The following XYLT1 variants were observed in gnomAD, a reference collection of about 807,000 sequenced individuals.
XYLT1 encodes xylosyltransferase 1.
A neutral mutation model predicts 91.3 loss-of-function variants in XYLT1; 36 were observed. That is an observed-to-expected ratio of 0.39 (90% confidence interval 0.30 to 0.52). The LOEUF (loss-of-function observed/expected upper bound fraction) is 0.52. Ranked by LOEUF, XYLT1 falls within the 20% of genes least tolerant of loss-of-function variation. The pLI is 0.68. For missense variants in XYLT1, 1,242 were observed against 1,284.5 expected (o/e 0.97, Z 0.51); for synonymous variants, 588 against 532.0 (o/e 1.11, Z -1.45).
At chr16:17,233,157 T>C (rs1366230465) in intron 3 of XYLT1, among the ~76,000 whole-genome samples, 1 of 152,078 alleles carries the variant, frequency 6.6e-6, no homozygotes, top group African/African-American at 2.4e-5. Context: ...TCTCCCCAAC[T>C]CCACAGGAAA....
At chr16:17,262,794 T>C (rs1447702475) in intron 2 of XYLT1, among the ~76,000 whole-genome samples, 1 of 152,098 alleles carries the variant, frequency 6.6e-6, no homozygotes, top group Non-Finnish European at 1.5e-5. Flanking sequence ...GTGCAGAAAT[T>C]GACCCCTGCT....
chr16:17,330,067 T>G (rs1596485259), intron 2 of XYLT1, among the ~76,000 whole-genome samples: 1 of 150,690 alleles, frequency 6.6e-6, no homozygotes, highest in East Asian at 1.9e-4. Flanking sequence ...CAGCTCTGCT[T>G]AGTGACAAAT....
rs568512637 is a variant in XYLT1, at chr16:17,252,485, C to G, written c.913+6503G>C. 4.9e-4 allele frequency among the ~76,000 whole-genome samples: 75 copies of G among 152,260 alleles called. 3 individuals are homozygous for G. The South Asian group carries it at 0.015, about 30-fold the overall frequency. Reference sequence around the variant, plus strand: ...ATCACTGGGGGTGATGCAGCAGAGTCCCTTCCCCACACCTCACTGCATCTC... The same window carrying G: ...ATCACTGGGGGTGATGCAGCAGAGTGCCTTCCCCACACCTCACTGCATCTC... On this transcript the variant is annotated intron_variant, in intron 3 of 11. Transcript: ENST00000261381.
intron 1 of XYLT1, among the ~76,000 whole-genome samples, chr16:17,388,744 A>G (rs1158805030): frequency 6.6e-6 from 1 of 152,208 alleles, no homozygotes; most frequent in Admixed American, 6.5e-5. Context: ...AAAAGGAGAA[A>G]CAAAAGCAGG....
At chr16:17,141,488 T>C in intron 6 of XYLT1, 119 bp from the exon 7 acceptor site, 1 of 932,116 alleles carries the variant, frequency 1.1e-6, no homozygotes, top group Non-Finnish European at 1.6e-6. Flanking sequence ...GCCTGCTGTG[T>C]GCCAGGTACT....
chr16:17,362,040 G>C (rs1173130022), intron 1 of XYLT1, among the ~76,000 whole-genome samples: 1 of 152,184 alleles, frequency 6.6e-6, no homozygotes, highest in African/African-American at 2.4e-5. Context: ...ACCTGTCCGA[G>C]TCACACAGAT....
intron 3 of XYLT1, among the ~76,000 whole-genome samples, chr16:17,239,589 G>GTCCA (rs148354192): frequency 0.42 from 58,953 of 139,526 alleles, 12,338 homozygotes; most frequent in South Asian, 0.51. Flanking sequence ...CACTCACCTA[G>GTCCA]TCCGTCCATC....
intron 2 of XYLT1, among the ~76,000 whole-genome samples, chr16:17,304,360 CT>C (rs984587837): frequency 2.6e-5 from 4 of 152,088 alleles, no homozygotes; most frequent in African/African-American, 7.2e-5. Flanking sequence ...GTCAGTGTGT[CT>C]TTTTTTCCCC....
rs557254862 is a variant in XYLT1, at chr16:17,214,926, T to C, written c.914-14272A>G. On this transcript the variant is annotated intron_variant, in intron 3 of 11. Coordinates refer to ENST00000261381, the MANE Select transcript of XYLT1 (RefSeq NM_022166.4). The stretch of plus-strand genomic sequence containing the variant: ...CGAAACCTCTGCTTCTGTTTCTCGA[T>C]GCTGAGGTATCCTTTCCTTTTCCAA... Among the ~76,000 whole-genome samples, 4 of 152,340 alleles carry C rather than the reference T, an allele frequency of 2.6e-5. No homozygotes were observed. In the South Asian group the frequency reaches 8.3e-4, roughly 32 times the overall value.
At position 17,420,794 on chromosome 16, in the gene XYLT1, G is replaced by T. The variant is rs966409190; in HGVS notation, c.363+49640C>A. Reference sequence around the variant, plus strand: ...ACTAATGCCCAATAATGACCCCAGGGCTTAGCTTTGAAGAAAATTCCAACC... The same window carrying T: ...ACTAATGCCCAATAATGACCCCAGGTCTTAGCTTTGAAGAAAATTCCAACC... On this transcript the variant is annotated intron_variant, in intron 1 of 11. Transcript: ENST00000261381. 3.3e-5 allele frequency among the ~76,000 whole-genome samples: 5 copies of T among 152,252 alleles called. No homozygotes were observed. In the South Asian group the frequency reaches 1.0e-3, roughly 32 times the overall value.
At chr16:17,316,540 G>A (rs992851649) in intron 2 of XYLT1, among the ~76,000 whole-genome samples, 9 of 151,992 alleles carry the variant, frequency 5.9e-5, no homozygotes, top group Non-Finnish European at 1.3e-4. Context: ...GGGACTACAG[G>A]CACGTGCCAC....
intron 5 of XYLT1, chr16:17,192,831 T>TA (rs1256137679): frequency 9.2e-6 from 1 of 108,444 alleles, no homozygotes; most frequent in East Asian, 2.3e-4. Context: ...TTTTTTTTTT[T>TA]AGACAGCGTC....
intron 1 of XYLT1, among the ~76,000 whole-genome samples, chr16:17,368,087 C>A (rs144380632): frequency 6.6e-6 from 1 of 152,264 alleles, no homozygotes; most frequent in Non-Finnish European, 1.5e-5. Flanking sequence ...CAGTGCTTCG[C>A]GTCTGGAATG....
rs188498858 is a variant in XYLT1 at position 17,170,425 on chromosome 16, A to G, written c.1290-11516T>C. On this transcript the variant is annotated intron_variant, in intron 5 of 11. Coordinates refer to ENST00000261381, the MANE Select transcript of XYLT1 (RefSeq NM_022166.4). ...GACAGGTTCCATCAGCCTTATGCCT[A>G]TTTCTCTTTGGGTCCCCAGGCCCAT... Among the ~76,000 whole-genome samples the G allele has an allele frequency of 2.1e-3, 327 of 152,230 alleles. 1 individual carries two copies. Among genetic ancestry groups the G allele is most frequent in the African/African-American group, 7.7e-3 (318 of 41,542 alleles).
At chr16:17,278,461 G>A (rs2034010562) in intron 2 of XYLT1, among the ~76,000 whole-genome samples, 2 of 152,192 alleles carry the variant, frequency 1.3e-5, no homozygotes, top group South Asian at 4.1e-4. Context: ...TTCCCATTAA[G>A]GCTTTTCACT....
At chr16:17,466,116 G>T (rs531247103) in intron 1 of XYLT1, among the ~76,000 whole-genome samples, 50 of 152,208 alleles carry the variant, frequency 3.3e-4, no homozygotes, top group African/African-American at 1.2e-3. Context: ...TTGTTTTTTA[G>T]TTATTTTTTA....
intron 2 of XYLT1, chr16:17,355,339 G>A (rs942151930): frequency 6.6e-6 from 1 of 152,414 alleles, no homozygotes; most frequent in Admixed American, 6.5e-5. Flanking sequence ...CCACTCCCAG[G>A]AGATAAGATT....
intron 2 of XYLT1, among the ~76,000 whole-genome samples, chr16:17,343,184 A>T (rs2035089172): frequency 6.6e-6 from 1 of 152,324 alleles, no homozygotes; most frequent in African/African-American, 2.4e-5. Flanking sequence ...AACATGTTAC[A>T]ACGTCAGCCC....
intron 1 of XYLT1, among the ~76,000 whole-genome samples, chr16:17,448,711 AGGAGGAAGAGGGG>A (rs2036625894): frequency 1.8e-5 from 2 of 108,222 alleles, no homozygotes; most frequent in Non-Finnish European, 3.9e-5. Flanking sequence ...AAGAGGGGGG[AGGAGGAAGAGGGG>A]GAAGGGGAGG....
Sources: allele counts gnomAD v4.1 joint callset (sites outside exome capture counted in the v4.1 genomes callset), GRCh38; gene constraint gnomAD v4.1.1; transcripts MANE v1.5; gene names NCBI Gene and HGNC (gene_info 2026-07-23, HGNC 2026-07-21).